HTR4: variants seen among roughly 807,000 people sequenced by gnomAD.
HTR4 encodes 5-hydroxytryptamine (serotonin) receptor 4, G protein-coupled.
In HTR4, 16 loss-of-function variants were observed where a neutral mutation model predicts 36.8. The ratio of observed to expected loss-of-function variants is 0.43; its 90% CI spans 0.29 to 0.66. The LOEUF is 0.66. Among genes scored for constraint, HTR4 ranks in the 30% least tolerant of loss-of-function variants. The probability of loss-of-function intolerance (pLI) is 0.13; values close to 1 mark genes in which losing one functional copy is unlikely to be tolerated. For synonymous variants in HTR4, 189 were observed against 185.1 expected (o/e 1.02, Z -0.17); for missense variants, 438 against 490.9 (o/e 0.89, Z 1.02).
At chr5:148,561,962 C>A (rs1202813015) in intron 2 of HTR4, among the ~76,000 whole-genome samples, 1 of 152,212 alleles carries the variant, frequency 6.6e-6, no homozygotes, top group African/African-American at 2.4e-5. Context: ...TTGCCAGGAT[C>A]TTGGTTTGCT....
At chr5:148,485,176 A>G (rs1168753982) in intron 6 of HTR4, among the ~76,000 whole-genome samples, 1 of 152,176 alleles carries the variant, frequency 6.6e-6, no homozygotes, top group Non-Finnish European at 1.5e-5. Flanking sequence ...ACAACCACCT[A>G]TTAGTGCAGC....
chr5:148,613,813 G>A (rs1581547237), intron 2 of HTR4, among the ~76,000 whole-genome samples: 2 of 151,600 alleles, frequency 1.3e-5, no homozygotes, highest in South Asian at 4.2e-4. Flanking sequence ...TCCTTAAGCT[G>A]ATAAGCAACT....
At chr5:148,522,215 C>G (rs994070984) in intron 5 of HTR4, among the ~76,000 whole-genome samples, 11 of 152,122 alleles carry the variant, frequency 7.2e-5, no homozygotes, top group Non-Finnish European at 1.3e-4. Flanking sequence ...GTCCATTAAG[C>G]CTCCTTTTCT....
intron 5 of HTR4, among the ~76,000 whole-genome samples, chr5:148,453,624 G>A (rs1424419907): frequency 1.3e-5 from 2 of 152,124 alleles, no homozygotes; most frequent in African/African-American, 4.8e-5. Flanking sequence ...AGCTGGTTGA[G>A]GCAGAAAGAG....
Position 148,512,078 on chromosome 5 carries a change from T to C in HTR4, c.508-2054A>G, listed in dbSNP as rs191580808. On this transcript the variant is annotated intron_variant, in intron 5 of 6. Coordinates refer to ENST00000377888, the MANE Select transcript of HTR4 (RefSeq NM_000870.7). ...TTTCCTGATTAGCACTCTGGTTCCT[T>C]CAATGGGACGAGAGCATTGCCTTCA... Among the ~76,000 whole-genome samples, 18 of 152,310 alleles carry C rather than the reference T, an allele frequency of 1.2e-4. No individual in the cohort carries two copies. The East Asian group carries it at 3.1e-3, about 26-fold the overall frequency.
intron 6 of HTR4, among the ~76,000 whole-genome samples, chr5:148,492,669 C>A (rs1453257035): frequency 6.6e-6 from 1 of 152,216 alleles, no homozygotes; most frequent in South Asian, 2.1e-4. Context: ...ACTGGCATAT[C>A]CCTGAACGGA....
Position 148,523,257 on chromosome 5 carries a change from A to T in HTR4, c.443T>A (p.Ile148Asn), listed in dbSNP as rs1030053702. Residue 148 changes from isoleucine (I) to asparagine (N), a missense_variant, in exon 5 of 7, where the codon ATC becomes AAC. Transcript: ENST00000377888. Reference protein sequence around the residue: ...IALMLGGCWVIPTFISFLPIM... With the variant: ...IALMLGGCWVNPTFISFLPIM... Reference sequence around the variant, plus strand: ...AGGGAGAAAAGAAATAAACGTGGGGATGACCCAGCAGCCTCCCAGCATTAA... The same window carrying T: ...AGGGAGAAAAGAAATAAACGTGGGGTTGACCCAGCAGCCTCCCAGCATTAA... The T allele has an allele frequency of 6.2e-7, 1 of 1,613,464 alleles. No homozygotes were observed. Among genetic ancestry groups the T allele is most frequent in the African/African-American group, 1.3e-5 (1 of 74,870 alleles).
chr5:148,639,908 T>C (rs1266665028), intron 1 of HTR4, among the ~76,000 whole-genome samples: 3 of 152,252 alleles, frequency 2.0e-5, no homozygotes, highest in Admixed American at 1.3e-4. Context: ...ATTTAAAGAA[T>C]AGCAAAAGTA....
At chr5:148,462,863 A>C (rs1755313845) in intron 5 of HTR4, among the ~76,000 whole-genome samples, 2 of 152,188 alleles carry the variant, frequency 1.3e-5, no homozygotes, top group Non-Finnish European at 2.9e-5. Context: ...ACTTTTGAAA[A>C]TCAATTAAGT....
At chr5:148,571,028 G>A (rs1760654748) in intron 2 of HTR4, among the ~76,000 whole-genome samples, 1 of 151,974 alleles carries the variant, frequency 6.6e-6, no homozygotes, top group Admixed American at 6.6e-5. Flanking sequence ...CACAAATCTA[G>A]AGGAAGGACA....
At chr5:148,507,341 AG>A (rs1757271777) in intron 6 of HTR4, among the ~76,000 whole-genome samples, 2 of 128,718 alleles carry the variant, frequency 1.6e-5, no homozygotes, top group South Asian at 5.1e-4. Flanking sequence ...ATTTGGACAC[AG>A]GAAGGGGAAC....
chr5:148,566,964 G>T (rs1218862071), intron 2 of HTR4, among the ~76,000 whole-genome samples: 8 of 149,762 alleles, frequency 5.3e-5, no homozygotes, highest in Non-Finnish European at 8.9e-5. Context: ...AAAAAATTGT[G>T]TTTTTTTTCA....
intron 2 of HTR4, among the ~76,000 whole-genome samples, chr5:148,633,048 G>A (rs972203603): frequency 3.3e-5 from 5 of 152,192 alleles, no homozygotes; most frequent in Admixed American, 6.6e-5. Flanking sequence ...GAGCCTTGAG[G>A]AGGAAAAAAC....
At chr5:148,639,004 G>T (rs185977422) in intron 1 of HTR4, among the ~76,000 whole-genome samples, 1 of 152,004 alleles carries the variant, frequency 6.6e-6, no homozygotes, top group African/African-American at 2.4e-5. Context: ...CCAAGATCAC[G>T]CTACTGTACT....
intron 5 of HTR4, 55 bp downstream of exon 5, chr5:148,523,138 A>T (rs1045728673): frequency 7.0e-7 from 1 of 1,437,262 alleles, no homozygotes; most frequent in Non-Finnish European, 9.6e-7. Context: ...TCATTTAGGA[A>T]CCCCATGCAA....
chr5:148,569,272 G>A (rs542778841), intron 2 of HTR4, among the ~76,000 whole-genome samples: 5 of 151,976 alleles, frequency 3.3e-5, no homozygotes, highest in East Asian at 1.9e-4. Context: ...AACCAAATAC[G>A]GCATGTTCTC....
intron 2 of HTR4, among the ~76,000 whole-genome samples, chr5:148,590,538 C>A (rs116238527): frequency 6.6e-6 from 1 of 151,852 alleles, no homozygotes; most frequent in Non-Finnish European, 1.5e-5. Context: ...CAAATACTTT[C>A]TCAGCGCTAC....
chr5:148,485,098 C>T, intron 6 of HTR4, among the ~76,000 whole-genome samples: 1 of 152,144 alleles, frequency 6.6e-6, no homozygotes, highest in East Asian at 1.9e-4. Flanking sequence ...AAGAATTTCT[C>T]ATCTCTCATT....
intron 5 of HTR4, among the ~76,000 whole-genome samples, chr5:148,464,824 AC>A (rs1755381364): frequency 6.6e-6 from 1 of 152,186 alleles, no homozygotes; most frequent in Non-Finnish European, 1.5e-5. Flanking sequence ...CTGGAAAGCA[AC>A]CGAGAAATTT....
Sources: gnomAD v4.1 joint callset for allele counts (sites outside exome capture counted in the v4.1 genomes callset) on GRCh38, gnomAD v4.1.1 for gene constraint, MANE v1.5 for transcripts, NCBI Gene and HGNC (gene_info 2026-07-23, HGNC 2026-07-21) for gene names.